The following LMO7 variants were observed in gnomAD, a reference collection of about 807,000 sequenced individuals.
The protein encoded by LMO7 is LIM domain 7.
In LMO7, 120 loss-of-function variants were observed where a neutral mutation model predicts 206.5. The observed-to-expected ratio is 0.58, with a 90% CI of 0.50 to 0.68. The LOEUF is 0.68. LMO7 is among the 30% of genes least tolerant of loss of function. LMO7 has a pLI of 0.00. For synonymous variants in LMO7, 706 were observed against 681.5 expected, an observed-to-expected ratio of 1.04 and a Z score of -0.56; for missense variants, 1,959 against 1,957.9, an observed-to-expected ratio of 1.00 and a Z score of -0.01.
At chr13:75,803,105 G>A (rs1157707704) in intron 7 of LMO7, among the ~76,000 whole-genome samples, 1 of 152,116 alleles carries the variant, frequency 6.6e-6, no homozygotes. Context: ...TTTAGAAGGT[G>A]GTAAAAAGAA....
At chr13:75,730,087 C>T (rs1230126539) in intron 3 of LMO7, among the ~76,000 whole-genome samples, 2 of 151,724 alleles carry the variant, frequency 1.3e-5, no homozygotes, top group Admixed American at 1.3e-4. Context: ...GTCTAAAATT[C>T]TCTTTTTTGG....
At position 75,800,669 on chromosome 13, in the gene LMO7, A is replaced by G; in HGVS notation, c.463-15A>G. 6.2e-7 allele frequency: 1 copy of G among 1,611,732 alleles called. No homozygotes were observed. Among genetic ancestry groups the G allele is most frequent in the Non-Finnish European group, 8.5e-7 (1 of 1,178,502 alleles). On this transcript the variant is annotated splice_polypyrimidine_tract_variant and intron_variant, in intron 6 of 30. Coordinates refer to ENST00000377534, the MANE Select transcript of LMO7 (RefSeq NM_001306080.2). ...TTTATTTAACTTACTATTCTTTAAA[A>G]AACGTTTTCTTTAGGCACTCGAAGA...
chr13:75,728,699 C>T (rs1391840659), intron 3 of LMO7, among the ~76,000 whole-genome samples: 7 of 133,730 alleles, frequency 5.2e-5, no homozygotes, highest in Non-Finnish European at 9.4e-5. Flanking sequence ...AAGTCCTTGC[C>T]CATGCCTATA....
chr13:75,656,914 G>T (rs1275847600), intron 1 of LMO7, among the ~76,000 whole-genome samples: 1 of 152,156 alleles, frequency 6.6e-6, no homozygotes, highest in Non-Finnish European at 1.5e-5. Context: ...CCCACAAAAA[G>T]ATATGTTGAA....
In LMO7 at chr13:75,807,804, T is replaced by C. The variant is rs373130615; in HGVS notation, c.1521T>C (p.Leu507=). ...TTTTACAGTGTAGAGAAGGTGAACTTGTACTTCCGGATTTGGAAAAAGATG... is the reference window on the plus strand; with the variant it reads ...TTTTACAGTGTAGAGAAGGTGAACTCGTACTTCCGGATTTGGAAAAAGATG... The part of the protein sequence containing the change: ...DIILQCREGE[L]VLPDLEKDDM... The change falls in exon 10 of 31, where the codon CTT becomes CTC. Residue 507 remains leucine, a synonymous_variant. Transcript: ENST00000377534. 10 of 1,613,728 alleles carry C rather than the reference T, an allele frequency of 6.2e-6. No homozygotes were observed. In the African/African-American group the frequency reaches 8.0e-5, roughly 13 times the overall value.
At position 75,789,402 on chromosome 13, in the gene LMO7, C is replaced by T. The variant is rs1170592530; in HGVS notation, c.318-5999C>T. 3.3e-5 allele frequency among the ~76,000 whole-genome samples: 5 copies of T among 152,038 alleles called. No homozygotes were observed. The South Asian group carries it at 6.2e-4, about 19-fold the overall frequency. ...AGCGTTGCAAATGAGAATGCTGGTA[C>T]CTTGAGAAAGAGAGGTACTAAGACA... On this transcript the variant is annotated intron_variant, in intron 4 of 30. Coordinates refer to ENST00000377534, the MANE Select transcript of LMO7 (RefSeq NM_001306080.2).
At chr13:75,844,281 A>G (rs1281338111) in intron 25 of LMO7, among the ~76,000 whole-genome samples, 1 of 151,858 alleles carries the variant, frequency 6.6e-6, no homozygotes, top group African/African-American at 2.4e-5. Context: ...CTTATGATAC[A>G]TTATGTATTA....
At chr13:75,795,045 C>T (rs776214739) in intron 4 of LMO7, among the ~76,000 whole-genome samples, 2 of 151,802 alleles carry the variant, frequency 1.3e-5, no homozygotes, top group Non-Finnish European at 2.9e-5. Context: ...ACACACTGAT[C>T]CCCCCTCATT....
intron 1 of LMO7, among the ~76,000 whole-genome samples, chr13:75,667,312 A>C (rs563663375): frequency 5.9e-5 from 9 of 152,044 alleles, no homozygotes; most frequent in African/African-American, 2.2e-4. Context: ...GTTTTCCTCC[A>C]TTGTGGAGGA....
intron 28 of LMO7, 155 bp from the exon 29 acceptor site, chr13:75,855,105 C>T (rs2060817581): frequency 5.8e-6 from 3 of 521,056 alleles, no homozygotes; most frequent in African/African-American, 3.8e-5. Flanking sequence ...AATCAAGGCA[C>T]TCTTTAGTTG....
At chr13:75,745,726 G>C (rs1293636122) in intron 3 of LMO7, among the ~76,000 whole-genome samples, 1 of 152,166 alleles carries the variant, frequency 6.6e-6, no homozygotes, top group Non-Finnish European at 1.5e-5. Flanking sequence ...AGAAAAAAAG[G>C]CCAGCCCTCC....
chr13:75,720,227 TAA>T (rs1400122880), intron 2 of LMO7, among the ~76,000 whole-genome samples: 1 of 152,226 alleles, frequency 6.6e-6, no homozygotes, highest in African/African-American at 2.4e-5. Context: ...ATATTTTAGA[TAA>T]GAGTCCTTTT....
intron 18 of LMO7, among the ~76,000 whole-genome samples, chr13:75,835,977 TACTC>T (rs1382376056): frequency 2.6e-5 from 4 of 152,190 alleles, no homozygotes; most frequent in Non-Finnish European, 4.4e-5. Context: ...TATGCACTTA[TACTC>T]ACTCCTTAGA....
chr13:75,817,385 C>G, intron 12 of LMO7, 107 bp downstream of exon 12: 1 of 671,798 alleles, frequency 1.5e-6, no homozygotes, highest in Non-Finnish European at 2.6e-6. Context: ...TTACAGAATT[C>G]AGTTCTGTAT....
chr13:75,748,009 T>A (rs573296911), intron 3 of LMO7, among the ~76,000 whole-genome samples: 6 of 152,266 alleles, frequency 3.9e-5, no homozygotes, highest in Non-Finnish European at 7.3e-5. Flanking sequence ...CTATATCTTG[T>A]AGTCATCAAA....
intron 15 of LMO7, among the ~76,000 whole-genome samples, chr13:75,831,516 AG>A (rs1212909611): frequency 6.6e-6 from 1 of 152,206 alleles, no homozygotes; most frequent in African/African-American, 2.4e-5. Flanking sequence ...TAATTTATAA[AG>A]AAAAGAGGAG....
At chr13:75,857,652 G>A in intron 30 of LMO7, 1 of 286,290 alleles carries the variant, frequency 3.5e-6, no homozygotes, top group Non-Finnish European at 6.5e-6. Flanking sequence ...AATTGCCCAT[G>A]CCTTTTCTCT....
intron 3 of LMO7, among the ~76,000 whole-genome samples, chr13:75,744,476 G>T (rs2046671508): frequency 1.3e-5 from 2 of 152,172 alleles, no homozygotes; most frequent in Admixed American, 6.6e-5. Context: ...AACTTGTAGA[G>T]GTAAAAATAA....
chr13:75,688,699 T>C (rs1168299797), intron 1 of LMO7: 2 of 152,336 alleles, frequency 1.3e-5, no homozygotes, highest in African/African-American at 4.8e-5. Flanking sequence ...TTTGACATTT[T>C]TGACACCAAG....
Sources: gnomAD v4.1 joint callset for allele counts (sites outside exome capture counted in the v4.1 genomes callset) on GRCh38, gnomAD v4.1.1 for gene constraint, MANE v1.5 for transcripts, NCBI Gene and HGNC (gene_info 2026-07-23, HGNC 2026-07-21) for gene names.